CTNNA3: variants seen among roughly 807,000 people sequenced by gnomAD.
CTNNA3 encodes the protein catenin alpha-3.
A neutral mutation model predicts 95.7 loss-of-function variants in CTNNA3; 76 were observed. That is an observed-to-expected ratio of 0.79 (90% CI 0.66 to 0.96). The LOEUF is 0.96. Ranked by LOEUF, CTNNA3 falls within the 40% of genes least tolerant of loss-of-function variation. The probability of loss-of-function intolerance (pLI) is 0.00; values close to 1 mark genes in which losing one functional copy is unlikely to be tolerated. For missense variants in CTNNA3, 1,191 were observed against 1,089.8 expected, an observed-to-expected ratio of 1.09 and a Z score of -1.31; for synonymous variants, 431 against 374.4, an observed-to-expected ratio of 1.15 and a Z score of -1.74.
At chr10:66,626,291 T>C (rs1256477785) in intron 9 of CTNNA3, among the ~76,000 whole-genome samples, 4 of 152,144 alleles carry the variant, frequency 2.6e-5, no homozygotes, top group Non-Finnish European at 5.9e-5. Flanking sequence ...ACCTGTAATA[T>C]GATCTCTCCA....
At chr10:67,235,049 G>A (rs1368799151) in intron 5 of CTNNA3, among the ~76,000 whole-genome samples, 3 of 151,230 alleles carry the variant, frequency 2.0e-5, no homozygotes, top group Middle Eastern at 6.8e-3. Context: ...CCATGCTCAT[G>A]GGTAGGAAGA....
intron 10 of CTNNA3, among the ~76,000 whole-genome samples, chr10:66,617,645 T>G (rs1844571296): frequency 6.6e-6 from 1 of 152,092 alleles, no homozygotes. Flanking sequence ...CTTTGAAAAC[T>G]GGCACAAGAC....
intron 7 of CTNNA3, among the ~76,000 whole-genome samples, chr10:66,995,613 C>A (rs1851283743): frequency 6.6e-6 from 1 of 152,172 alleles, no homozygotes; most frequent in Non-Finnish European, 1.5e-5. Context: ...TTGTCTACAT[C>A]TCTATATTTT....
At chr10:66,977,502 A>G (rs1850118718) in intron 7 of CTNNA3, among the ~76,000 whole-genome samples, 1 of 152,128 alleles carries the variant, frequency 6.6e-6, no homozygotes, top group African/African-American at 2.4e-5. Flanking sequence ...ATAAAACTTT[A>G]GAAACTACAA....
At chr10:67,285,822 T>C (rs1232419021) in intron 5 of CTNNA3, among the ~76,000 whole-genome samples, 1 of 152,178 alleles carries the variant, frequency 6.6e-6, no homozygotes, top group African/African-American at 2.4e-5. Context: ...TACTTCAGAT[T>C]TCATCACAAC....
intron 13 of CTNNA3, among the ~76,000 whole-genome samples, chr10:66,151,150 T>C (rs1296469853): frequency 6.6e-6 from 1 of 151,994 alleles, no homozygotes; most frequent in Non-Finnish European, 1.5e-5. Flanking sequence ...TTCAATCTAG[T>C]GGCAGAAATA....
At chr10:66,869,279 C>T (rs575074925) in intron 7 of CTNNA3, among the ~76,000 whole-genome samples, 37 of 152,140 alleles carry the variant, frequency 2.4e-4, no homozygotes, top group African/African-American at 8.4e-4. Flanking sequence ...TGTGATGAGA[C>T]CGGATATAGT....
At chr10:66,354,363 T>C (rs2092592608) in intron 12 of CTNNA3, among the ~76,000 whole-genome samples, 1 of 150,308 alleles carries the variant, frequency 6.7e-6, no homozygotes, top group Middle Eastern at 3.5e-3. Context: ...AAAAAGAAAC[T>C]AGCACTGGCT....
chr10:67,649,772 C>A (rs1488098792), intron 1 of CTNNA3, among the ~76,000 whole-genome samples: 4 of 152,162 alleles, frequency 2.6e-5, no homozygotes, highest in Non-Finnish European at 5.9e-5. Context: ...TATAGCAATA[C>A]CACAACGCAA....
At chr10:66,069,145 G>A (rs561856639) in intron 15 of CTNNA3, among the ~76,000 whole-genome samples, 163 bp downstream of exon 15, 4 of 151,998 alleles carry the variant, frequency 2.6e-5, no homozygotes, top group Non-Finnish European at 4.4e-5. Flanking sequence ...TTTATCGATC[G>A]AAACCTCTAG....
At chr10:65,951,634 T>G (rs2077615025) in intron 17 of CTNNA3, among the ~76,000 whole-genome samples, 1 of 151,718 alleles carries the variant, frequency 6.6e-6, no homozygotes, top group Non-Finnish European at 1.5e-5. Context: ...CTCTCCTACC[T>G]CCCACCCCTG....
chr10:66,921,485 T>C (rs925704163), intron 7 of CTNNA3, among the ~76,000 whole-genome samples: 3 of 152,204 alleles, frequency 2.0e-5, no homozygotes, highest in African/African-American at 7.2e-5. Flanking sequence ...TCCAAAGCCC[T>C]CCATGACCTC....
chr10:67,580,460 G>C (rs1314353178), intron 3 of CTNNA3, among the ~76,000 whole-genome samples: 1 of 151,638 alleles, frequency 6.6e-6, no homozygotes, highest in Non-Finnish European at 1.5e-5. Context: ...GGTTACTGTA[G>C]CCTTGTAATA....
At chr10:66,793,802 A>C (rs1841079207) in intron 7 of CTNNA3, among the ~76,000 whole-genome samples, 1 of 152,080 alleles carries the variant, frequency 6.6e-6, no homozygotes, top group Non-Finnish European at 1.5e-5. Context: ...TATCTGCTGC[A>C]TTGTTGTGTC....
At chr10:67,673,978 C>G (rs1362350655) in intron 1 of CTNNA3, among the ~76,000 whole-genome samples, 4 of 151,600 alleles carry the variant, frequency 2.6e-5, no homozygotes, top group Non-Finnish European at 4.4e-5. Flanking sequence ...TAATAGCCAA[C>G]TCTTTGCTGT....
chr10:66,731,059 A>T (rs962103930), intron 9 of CTNNA3, among the ~76,000 whole-genome samples: 4 of 152,212 alleles, frequency 2.6e-5, no homozygotes, highest in Non-Finnish European at 5.9e-5. Flanking sequence ...AGGGCCAAAT[A>T]CACAATAAAT....
chr10:67,582,785 G>A (rs1842455246), intron 3 of CTNNA3, among the ~76,000 whole-genome samples: 1 of 152,110 alleles, frequency 6.6e-6, no homozygotes, highest in Admixed American at 6.5e-5. Flanking sequence ...AGCTCTTCTT[G>A]TTGAATTGAT....
At chr10:66,567,238 G>C (rs1406913660) in intron 10 of CTNNA3, among the ~76,000 whole-genome samples, 1 of 152,050 alleles carries the variant, frequency 6.6e-6, no homozygotes, top group Non-Finnish European at 1.5e-5. Context: ...AATGACAGAG[G>C]ATGGCATGGG....
intron 5 of CTNNA3, among the ~76,000 whole-genome samples, chr10:67,498,569 C>T (rs550658879): frequency 6.6e-5 from 10 of 152,156 alleles, no homozygotes; most frequent in Non-Finnish European, 8.8e-5. Flanking sequence ...TCCAAGAGCA[C>T]GAAATGTTTT....
Sources: gnomAD v4.1 joint callset for allele counts (sites outside exome capture counted in the v4.1 genomes callset) on GRCh38, gnomAD v4.1.1 for gene constraint, MANE v1.5 for transcripts, NCBI Gene and HGNC (gene_info 2026-07-23, HGNC 2026-07-21) for gene names.